ETV6: variants seen among roughly 807,000 people sequenced by gnomAD.
ETV6 encodes the protein transcription factor ETV6.
ETV6 carries 16 observed loss-of-function variants against 51.1 expected under a neutral mutation model. The ratio of observed to expected loss-of-function variants is 0.31; its 90% CI spans 0.21 to 0.48. ETV6 has a LOEUF of 0.48. Among genes scored for constraint, ETV6 ranks in the 20% least tolerant of loss-of-function variants. The probability of loss-of-function intolerance (pLI) is 0.99; values close to 1 mark genes in which losing one functional copy is unlikely to be tolerated. For missense variants in ETV6, 458 were observed against 594.8 expected (o/e 0.77, Z 2.39); for synonymous variants, 240 against 224.1 (o/e 1.07, Z -0.64).
chr12:11,657,363 A>G (rs903464807), intron 1 of ETV6, among the ~76,000 whole-genome samples: 1 of 152,242 alleles, frequency 6.6e-6, no homozygotes, highest in Non-Finnish European at 1.5e-5. Flanking sequence ...AAGAATTCAG[A>G]AAGCATAGCT....
chr12:11,719,428 C>T (rs1865341461), intron 1 of ETV6, among the ~76,000 whole-genome samples: 3 of 152,220 alleles, frequency 2.0e-5, no homozygotes, highest in Non-Finnish European at 4.4e-5. Flanking sequence ...TCTGTATAGA[C>T]ATCAGGAGAT....
At chr12:11,656,903 A>C (rs1421065374) in intron 1 of ETV6, among the ~76,000 whole-genome samples, 1 of 151,846 alleles carries the variant, frequency 6.6e-6, no homozygotes, top group Non-Finnish European at 1.5e-5. Flanking sequence ...TCTCTCATGT[A>C]CATCTTTAAT....
At chr12:11,863,816 A>G (rs1051286434) in intron 4 of ETV6, among the ~76,000 whole-genome samples, 1 of 152,220 alleles carries the variant, frequency 6.6e-6, no homozygotes, top group Non-Finnish European at 1.5e-5. Flanking sequence ...CAGGCTGAGA[A>G]TGTCATAGCC....
At chr12:11,652,516 G>A (rs1314291729) in intron 1 of ETV6, among the ~76,000 whole-genome samples, 3 of 152,194 alleles carry the variant, frequency 2.0e-5, no homozygotes, top group Non-Finnish European at 4.4e-5. Context: ...AATGTCAGAG[G>A]TTTTCAAGGA....
intron 2 of ETV6, among the ~76,000 whole-genome samples, chr12:11,827,006 T>C (rs1276029516): frequency 6.6e-6 from 1 of 151,830 alleles, no homozygotes; most frequent in Non-Finnish European, 1.5e-5. Flanking sequence ...GCCATTTCCG[T>C]ATGAATGTCC....
chr12:11,876,674 G>A (rs1360462038), intron 5 of ETV6, among the ~76,000 whole-genome samples: 1 of 152,102 alleles, frequency 6.6e-6, no homozygotes. Context: ...ACCTAAATCT[G>A]TACAGATTTA....
At chr12:11,675,004 C>T (rs2856313) in intron 1 of ETV6, among the ~76,000 whole-genome samples, 108,122 of 152,186 alleles carry the variant, frequency 0.71, 43,059 homozygotes, top group Non-Finnish European at 0.87. Context: ...TGTGAAGGTA[C>T]AGCCAGGCCC....
chr12:11,883,863 C>T (rs536605485), intron 5 of ETV6, among the ~76,000 whole-genome samples: 7 of 152,280 alleles, frequency 4.6e-5, no homozygotes, highest in African/African-American at 1.7e-4. Flanking sequence ...CCACAGTTCC[C>T]ACAGTCAGAG....
intron 2 of ETV6, among the ~76,000 whole-genome samples, chr12:11,787,841 G>A (rs1945511856): frequency 6.6e-6 from 1 of 152,080 alleles, no homozygotes; most frequent in Non-Finnish European, 1.5e-5. Flanking sequence ...GTATCACCCA[G>A]TATCAAATCC....
At chr12:11,806,984 C>T (rs1373840073) in intron 2 of ETV6, among the ~76,000 whole-genome samples, 5 of 152,224 alleles carry the variant, frequency 3.3e-5, no homozygotes, top group Admixed American at 3.3e-4. Flanking sequence ...GATGGTGTTC[C>T]ACCGATTAAA....
intron 2 of ETV6, among the ~76,000 whole-genome samples, chr12:11,767,728 C>G (rs1038314367): frequency 1.3e-5 from 2 of 152,132 alleles, no homozygotes; most frequent in Non-Finnish European, 2.9e-5. Context: ...CCTTTAGCAG[C>G]TGTTTATAGG....
intron 2 of ETV6, among the ~76,000 whole-genome samples, chr12:11,809,141 G>C (rs902966005): frequency 4.0e-5 from 6 of 148,652 alleles, no homozygotes; most frequent in Non-Finnish European, 3.0e-5. Flanking sequence ...ACTCCAGCCT[G>C]GGTGACACAG....
rs533010209 is a variant in ETV6 at position 11,857,589 on chromosome 12, T to C, written c.463+4028T>C. On this transcript the variant is annotated intron_variant, in intron 4 of 7. Transcript: ENST00000396373. ...TTTTTCACCCATACCAACACACTTA[T>C]GACAGTGACACAGGGCTCCAGCAAT... Among the ~76,000 whole-genome samples the C allele has an allele frequency of 2.4e-3, 363 of 152,300 alleles. 1 individual carries two copies. Among genetic ancestry groups the C allele is most frequent in the Middle Eastern group, 3.4e-3 (1 of 294 alleles).
chr12:11,754,459 C>T (rs769278396), intron 2 of ETV6, among the ~76,000 whole-genome samples: 1 of 152,234 alleles, frequency 6.6e-6, no homozygotes, highest in Non-Finnish European at 1.5e-5. Context: ...CCTTAACTAT[C>T]TTCCACGAGA....
chr12:11,788,393 CT>C (rs1201411991), intron 2 of ETV6, among the ~76,000 whole-genome samples: 1 of 152,174 alleles, frequency 6.6e-6, no homozygotes, highest in East Asian at 1.9e-4. Context: ...GAACCACCAC[CT>C]GTTAAAAAGT....
At position 11,752,481 on chromosome 12, in the gene ETV6, G is replaced by A. The variant is rs1300012416; in HGVS notation, c.65G>A (p.Ser22Asn). Residue 22 changes from serine (S) to asparagine (N), a missense_variant, in exon 2 of 8, where the codon AGC (serine) becomes AAC (asparagine). Transcript: ENST00000396373. ...CGAATTTCATATACACCTCCAGAGA[G>A]CCCAGTGCCGAGTTACGCTTCCTCG... ...QERISYTPPESPVPSYASSTP... is the reference protein window; with the variant it reads ...QERISYTPPENPVPSYASSTP... 22 of 1,613,846 alleles carry A rather than the reference G, an allele frequency of 1.4e-5. No individual in the cohort carries two copies. The highest frequency in any genetic ancestry group is 2.2e-5 in the South Asian group (2 of 91,068).
intron 1 of ETV6, among the ~76,000 whole-genome samples, chr12:11,655,169 A>G (rs1409811472): frequency 1.5e-5 from 2 of 131,336 alleles, no homozygotes; most frequent in East Asian, 4.6e-4. Context: ...TGGATCTCCC[A>G]GCCAAGTGAT....
chr12:11,743,704 C>T (rs1227297139), intron 1 of ETV6, among the ~76,000 whole-genome samples: 2 of 152,170 alleles, frequency 1.3e-5, no homozygotes, highest in Non-Finnish European at 2.9e-5. Context: ...CTAGACATTT[C>T]GAAAAGATAA....
chr12:11,753,584 A>G (rs192328579), intron 2 of ETV6, among the ~76,000 whole-genome samples: 17 of 152,354 alleles, frequency 1.1e-4, no homozygotes, highest in African/African-American at 3.8e-4. Context: ...GATGCTCTCC[A>G]GTTCTTCTCC....
Sources: gnomAD v4.1 joint callset for allele counts (sites outside exome capture counted in the v4.1 genomes callset) on GRCh38, gnomAD v4.1.1 for gene constraint, MANE v1.5 for transcripts, NCBI Gene and HGNC (gene_info 2026-07-23, HGNC 2026-07-21) for gene names.